BIK: variants seen among roughly 807,000 people sequenced by gnomAD.
BIK encodes the protein bcl-2-interacting killer.
A neutral mutation model predicts 12.1 loss-of-function variants in BIK; 14 were observed. That is an observed-to-expected ratio of 1.16 (90% CI 0.77 to 1.81). The LOEUF is 1.81. BIK is among the 40% of genes most tolerant of loss of function. BIK has a pLI of 0.00. For synonymous variants in BIK, 86 were observed against 92.3 expected (o/e 0.93, Z 0.39); for missense variants, 215 against 207.9 (o/e 1.03, Z -0.21).
Position 43,129,227 on chromosome 22 carries a change from G to T in BIK, c.405G>T (p.Gln135His). 1 of 1,604,878 alleles carries T rather than the reference G, an allele frequency of 6.2e-7. No homozygotes were observed. Among genetic ancestry groups the T allele is most frequent in the Non-Finnish European group, 8.5e-7 (1 of 1,179,826 alleles). ...TGCTCCCACAGGTGTCCTGCGAACA[G>T]GTGCTGCTGGCGCTGCTGCTGCTGC... ...PNPGSWVSCE[Q>H]VLLALLLLLA... The change falls in exon 5 of 5, where the codon CAG (glutamine) becomes CAT (histidine). Residue 135 changes from glutamine (Q) to histidine (H), a missense_variant. Coordinates refer to ENST00000216115, the MANE Select transcript of BIK (RefSeq NM_001197.5).
At position 43,129,471 on chromosome 22, in the gene BIK, G is replaced by GT. The variant is rs368531160; in HGVS notation, c.*176dup. 0.054 allele frequency: 53,717 copies of GT among 999,098 alleles called. 478 individuals are homozygous for GT. The highest frequency in any genetic ancestry group is 0.12 in the African/African-American group (7,071 of 56,802). 61.9% of individuals were successfully genotyped at this position (999,098 alleles called of 1,614,324 possible). A position where few individuals can be genotyped will look rare whatever the true frequency, so the allele number is the denominator to read the frequency against. On this transcript the variant is annotated 3_prime_UTR_variant, in exon 5 of 5. Transcript: ENST00000216115. Reference sequence around the variant, plus strand: ...CTGAGGTTTTATACTCAGGTTTTTTGTTTTTTTTTTATTCCAGTTTTCGTT... The same window carrying GT: ...CTGAGGTTTTATACTCAGGTTTTTTGTTTTTTTTTTTATTCCAGTTTTCGTT...
rs114741002 is a variant in BIK, at chr22:43,114,719, C to T, written c.-8+3916C>T. Among the ~76,000 whole-genome samples the T allele has an allele frequency of 8.2e-3, 1,245 of 152,330 alleles. 22 individuals carry two copies. The highest frequency in any genetic ancestry group is 0.028 in the African/African-American group (1,180 of 41,582). On this transcript the variant is annotated intron_variant, in intron 1 of 4. Transcript: ENST00000216115. ...CTGAAATTCCCTGTGCAGACAATGG[C>T]GCATCATGAAGATAAATCCGAGCTC...
At chr22:43,124,323 G>A (rs1930274281) in intron 2 of BIK, 140 bp downstream of exon 2, 2 of 1,054,018 alleles carry the variant, frequency 1.9e-6, no homozygotes, top group African/African-American at 1.6e-5. Context: ...TCCCGGATGT[G>A]GGCATGGAGG....
rs543446733 is a variant in BIK at position 43,124,300 on chromosome 22, C to T, written c.161+117C>T. The T allele has an allele frequency of 1.1e-5, 14 of 1,255,472 alleles. No homozygotes were observed. In the Middle Eastern group the frequency reaches 8.6e-4, roughly 77 times the overall value. 77.8% of individuals were successfully genotyped at this position (1,255,472 alleles called of 1,614,324 possible). A position where few individuals can be genotyped will look rare whatever the true frequency, so the allele number is the denominator to read the frequency against. ...GCAGATGCCTCCCAGGCAGGGCCTC[C>T]GAGAGGAAGATTTCCCGGATGTGGG... On this transcript the variant is annotated intron_variant, in intron 2 of 4. Transcript: ENST00000216115.
chr22:43,120,136 C>A lies in BIK; in HGVS notation c.-7-3880C>A, dbSNP rs538262020. On this transcript the variant is annotated intron_variant, in intron 1 of 4. Transcript: ENST00000216115. ...ACTTGAGTGTGGTTAGCGCGGGAAC[C>A]AAGATTGGGGTGGCAGGGCCACAGG... is the stretch of plus-strand genomic sequence containing the variant. Among the ~76,000 whole-genome samples, 12 of 152,288 alleles carry A rather than the reference C, an allele frequency of 7.9e-5. No homozygotes were observed. The East Asian group carries it at 2.3e-3, about 29-fold the overall frequency.
Position 43,129,362 on chromosome 22 carries a change from TGGC to T in BIK, c.*61_*63del, listed in dbSNP as rs1569468956. 6.4e-7 allele frequency: 1 copy of T among 1,552,606 alleles called. No homozygotes were observed. Among genetic ancestry groups the T allele is most frequent in the Non-Finnish European group, 8.6e-7 (1 of 1,160,390 alleles). ...ACCCCCATGACCACTGCCCTGGAGG[TGGC>T]GGCCTGCTGCTGTTATCTTTTTAAC... On this transcript the variant is annotated 3_prime_UTR_variant, in exon 5 of 5. Coordinates refer to ENST00000216115, the MANE Select transcript of BIK (RefSeq NM_001197.5).
At chr22:43,113,397 C>T (rs960488585) in intron 1 of BIK, among the ~76,000 whole-genome samples, 3 of 152,086 alleles carry the variant, frequency 2.0e-5, no homozygotes, top group South Asian at 2.1e-4. Flanking sequence ...CCACCTCACC[C>T]GGCTCAAGAT....
intron 1 of BIK, among the ~76,000 whole-genome samples, chr22:43,118,113 C>G (rs1208727087): frequency 6.6e-6 from 1 of 152,026 alleles, no homozygotes; most frequent in Admixed American, 6.6e-5. Context: ...GACAGCACAG[C>G]GGTGCCTGTG....
intron 1 of BIK, among the ~76,000 whole-genome samples, chr22:43,113,216 A>T (rs1279288973): frequency 1.3e-5 from 2 of 152,170 alleles, no homozygotes; most frequent in Admixed American, 1.3e-4. Flanking sequence ...AAGAAAATTT[A>T]AAAAAGCATC....
intron 1 of BIK, among the ~76,000 whole-genome samples, chr22:43,117,422 G>C (rs1017723758): frequency 2.0e-5 from 3 of 149,172 alleles, no homozygotes; most frequent in African/African-American, 7.5e-5. Context: ...AGACCGGAGT[G>C]TGGTGGCATG....
At chr22:43,126,258 TCAC>T (rs1327923830) in intron 2 of BIK, among the ~76,000 whole-genome samples, 1 of 151,292 alleles carries the variant, frequency 6.6e-6, no homozygotes, top group Non-Finnish European at 1.5e-5. Context: ...TGATCTCTGC[TCAC>T]CACAAGCTCC....
chr22:43,112,081 A>G (rs1930021987), intron 1 of BIK, among the ~76,000 whole-genome samples: 1 of 152,186 alleles, frequency 6.6e-6, no homozygotes, highest in East Asian at 1.9e-4. Context: ...TGGCCAGGTG[A>G]AAGCCCCTCT....
At chr22:43,126,953 C>A (rs1341791645) in intron 2 of BIK, among the ~76,000 whole-genome samples, 2 of 152,098 alleles carry the variant, frequency 1.3e-5, no homozygotes, top group African/African-American at 4.8e-5. Flanking sequence ...GGGGCCAGGG[C>A]CCAGGGCCGG....
At chr22:43,115,514 G>T (rs1486124363) in intron 1 of BIK, among the ~76,000 whole-genome samples, 4 of 152,148 alleles carry the variant, frequency 2.6e-5, no homozygotes, top group Non-Finnish European at 5.9e-5. Context: ...GGGGGCTGGA[G>T]TGCAGTGGCG....
At chr22:43,118,082 G>C (rs543119151) in intron 1 of BIK, among the ~76,000 whole-genome samples, 1 of 152,220 alleles carries the variant, frequency 6.6e-6, no homozygotes, top group South Asian at 2.1e-4. Context: ...TGCCCGCCTC[G>C]GCCTCCCGAA....
chr22:43,113,683 G>T (rs952916841), intron 1 of BIK, among the ~76,000 whole-genome samples: 3 of 152,196 alleles, frequency 2.0e-5, no homozygotes, highest in African/African-American at 7.2e-5. Flanking sequence ...GGCTTGATTG[G>T]CCAGTGAGTC....
chr22:43,116,114 G>A lies in BIK; in HGVS notation c.-8+5311G>A, dbSNP rs373335442. 2.0e-5 allele frequency among the ~76,000 whole-genome samples: 3 copies of A among 152,178 alleles called. No homozygotes were observed. The East Asian group carries it at 5.8e-4, about 29-fold the overall frequency. On this transcript the variant is annotated intron_variant, in intron 1 of 4. Transcript: ENST00000216115. ...TTAACAACTGTAGGCCCAGGTGGTGGCTTGGCATTCTCTGCTTCCTTCATG... is the reference window on the plus strand; with the variant it reads ...TTAACAACTGTAGGCCCAGGTGGTGACTTGGCATTCTCTGCTTCCTTCATG...
chr22:43,127,916 C>CTA (rs2147026213), intron 3 of BIK, 121 bp downstream of exon 3: 1 of 835,376 alleles, frequency 1.2e-6, no homozygotes, highest in Non-Finnish European at 1.6e-6. Context: ...TGCCTTGACA[C>CTA]TGGGGCTATA....
At chr22:43,115,244 C>T (rs928239402) in intron 1 of BIK, among the ~76,000 whole-genome samples, 1 of 152,040 alleles carries the variant, frequency 6.6e-6, no homozygotes, top group Non-Finnish European at 1.5e-5. Context: ...TGTGCCTGAG[C>T]CCCAAGGAAG....
Sources: allele counts gnomAD v4.1 joint callset (sites outside exome capture counted in the v4.1 genomes callset), GRCh38; gene constraint gnomAD v4.1.1; transcripts MANE v1.5; gene names NCBI Gene and HGNC (gene_info 2026-07-23, HGNC 2026-07-21).